Variants in LAMA4 observed in about 807,000 individuals in gnomAD.
LAMA4 encodes laminin subunit alpha-4.
Under a neutral mutation model 207.1 loss-of-function variants are expected in LAMA4, and 127 were observed. That is an observed-to-expected ratio of 0.61 (90% confidence interval 0.53 to 0.71). The LOEUF (loss-of-function observed/expected upper bound fraction) is 0.71, where lower values mean the gene tolerates loss of function less well. LAMA4 is among the 30% of genes least tolerant of loss of function. LAMA4 has a pLI of 0.00. For synonymous variants in LAMA4, 761 were observed against 816.0 expected, an observed-to-expected ratio of 0.93 and a Z score of 1.15; for missense variants, 2,093 against 2,246.5, an observed-to-expected ratio of 0.93 and a Z score of 1.38.
chr6:112,168,280 C>T (rs974615368), intron 12 of LAMA4, among the ~76,000 whole-genome samples: 1 of 150,174 alleles, frequency 6.7e-6, no homozygotes, highest in Non-Finnish European at 1.5e-5. Flanking sequence ...GTGATCATTC[C>T]AGTGATACAA....
chr6:112,150,595 G>C lies in LAMA4; in HGVS notation c.2089C>G (p.Arg697Gly). ...TTCCTTGCTAGGGCTCCACCCACACGCCTGCTAGTGTCAGCCACTGCTTCA... is the reference window on the plus strand; with the variant it reads ...TTCCTTGCTAGGGCTCCACCCACACCCCTGCTAGTGTCAGCCACTGCTTCA... ...SDEAVADTSR[R>G]VGGALARKSA... Residue 697 changes from arginine (R) to glycine (G), a missense_variant, in exon 17 of 39, where the codon CGT becomes GGT. Physicochemically the swap from Arg to Gly is moderately radical, Grantham distance 125 (BLOSUM62 -2). Transcript: ENST00000230538. 6.2e-7 allele frequency: 1 copy of C among 1,613,882 alleles called. No homozygotes were observed. Among genetic ancestry groups the C allele is most frequent in the Non-Finnish European group, 8.5e-7 (1 of 1,179,844 alleles).
chr6:112,130,304 G>A, intron 29 of LAMA4: 1 of 399,628 alleles, frequency 2.5e-6, no homozygotes. Context: ...TTATTTTTGT[G>A]TGTGTGTGTG....
chr6:112,254,138 A>T lies in LAMA4; in HGVS notation c.13T>A (p.Ser5Thr). 1.2e-6 allele frequency: 2 copies of T among 1,612,920 alleles called. No homozygotes were observed. Among genetic ancestry groups the T allele is most frequent in the Non-Finnish European group, 1.7e-6 (2 of 1,179,978 alleles). MALS[S>T]AWRSVLPLWL... ...AGAGGCAGAACCGAGCGCCAGGCTG[A>T]GCTCAAAGCCATTTCTCCGCTGACA... Residue 5 changes from serine (S) to threonine (T), a missense_variant, in exon 2 of 39, where the codon TCA becomes ACA. Coordinates refer to ENST00000230538, the MANE Select transcript of LAMA4 (RefSeq NM_001105206.3).
At chr6:112,220,273 C>T (rs1163380635) in intron 2 of LAMA4, among the ~76,000 whole-genome samples, 3 of 152,144 alleles carry the variant, frequency 2.0e-5, no homozygotes, top group Non-Finnish European at 4.4e-5. Flanking sequence ...TCACAGCTTG[C>T]CTCCTGCTCT....
rs112173092 is a variant in LAMA4 at position 112,110,999 on chromosome 6, T to A, written c.5327-1417A>T. Among the ~76,000 whole-genome samples, 330 of 152,314 alleles carry A rather than the reference T, an allele frequency of 2.2e-3. 1 individual carries two copies. The highest frequency in any genetic ancestry group is 7.7e-3 in the African/African-American group (320 of 41,568). On this transcript the variant is annotated intron_variant, in intron 38 of 38. Transcript: ENST00000230538. ...GGATTTTCAGTAGAGGAATGAATGG[T>A]TAGACCCATGGGTGGGCTACATTAA...
intron 12 of LAMA4, among the ~76,000 whole-genome samples, chr6:112,169,742 T>A (rs1409337582): frequency 6.6e-6 from 1 of 152,236 alleles, no homozygotes; most frequent in Non-Finnish European, 1.5e-5. Flanking sequence ...ACCATCTGTC[T>A]GAATCAAAAA....
At chr6:112,143,629 C>CT (rs1270279943) in intron 19 of LAMA4, among the ~76,000 whole-genome samples, 2 of 152,142 alleles carry the variant, frequency 1.3e-5, no homozygotes, top group Non-Finnish European at 2.9e-5. Context: ...GGATTAAAGT[C>CT]TTACATTAAT....
intron 6 of LAMA4, among the ~76,000 whole-genome samples, chr6:112,190,970 T>TTCTTTCTTTCTTTCTTTCTTTCC (rs1783076835): frequency 6.8e-6 from 1 of 147,068 alleles, no homozygotes; most frequent in African/African-American, 2.5e-5. Context: ...CTTTCTTTCT[T>TTCTTTCTTTCTTTCTTTCTTTCC]TCTTTCTTTC....
intron 31 of LAMA4, among the ~76,000 whole-genome samples, 176 bp from the exon 32 acceptor site, chr6:112,122,377 A>G (rs1489750378): frequency 1.3e-5 from 2 of 152,184 alleles, no homozygotes; most frequent in Non-Finnish European, 2.9e-5. Flanking sequence ...AAATGACAGC[A>G]GTAGCTGCAG....
chr6:112,163,964 G>A (rs1060515), intron 13 of LAMA4: 57,762 of 152,184 alleles, frequency 0.38, 12,393 homozygotes, highest in Middle Eastern at 0.56. Context: ...AGAGGTGTGG[G>A]CACAGATGCA....
At chr6:112,157,422 G>A (rs1236627821) in intron 14 of LAMA4, among the ~76,000 whole-genome samples, 1 of 152,104 alleles carries the variant, frequency 6.6e-6, no homozygotes, top group Non-Finnish European at 1.5e-5. Context: ...TTCGAGCATA[G>A]CACGTAAATC....
chr6:112,153,916 A>T (rs1780544335), intron 16 of LAMA4, among the ~76,000 whole-genome samples: 1 of 152,166 alleles, frequency 6.6e-6, no homozygotes, highest in Admixed American at 6.5e-5. Context: ...TATGAAAAGC[A>T]AAGTGCATTT....
At chr6:112,112,998 A>T (rs782382546) in intron 38 of LAMA4, among the ~76,000 whole-genome samples, 1 of 152,164 alleles carries the variant, frequency 6.6e-6, no homozygotes, top group Non-Finnish European at 1.5e-5. Flanking sequence ...AGTAGTTGGT[A>T]GTTACTAGAG....
intron 3 of LAMA4, among the ~76,000 whole-genome samples, chr6:112,207,567 T>C (rs75956673): frequency 0.055 from 8,317 of 152,182 alleles, 718 homozygotes; most frequent in African/African-American, 0.19. Flanking sequence ...CTGGTACTTA[T>C]CCATGGCAAT....
chr6:112,114,797 CAT>C, intron 36 of LAMA4, 41 bp from the exon 37 acceptor site: 1 of 1,358,866 alleles, frequency 7.4e-7, no homozygotes, highest in Non-Finnish European at 1.1e-6. Context: ...AGTTTGTCCT[CAT>C]TGTGATAAAA....
rs1562616187 is a variant in LAMA4, at chr6:112,108,722, A to T, written c.*715T>A. On this transcript the variant is annotated 3_prime_UTR_variant, in exon 39 of 39. Coordinates refer to ENST00000230538, the MANE Select transcript of LAMA4 (RefSeq NM_001105206.3). ...TGATATCCTCAATGATTCCCATAGA[A>T]CACACAATAATGGTAATAATAACCT... 6.6e-6 allele frequency: 1 copy of T among 152,234 alleles called. No individual in the cohort carries two copies. Among genetic ancestry groups the T allele is most frequent in the Non-Finnish European group, 1.5e-5 (1 of 68,060 alleles). The allele number at this position is 152,234 out of a possible 1,614,324, so 9.4% of individuals were successfully genotyped here.
At chr6:112,188,741 G>A (rs949573754) in intron 7 of LAMA4, among the ~76,000 whole-genome samples, 1 of 152,132 alleles carries the variant, frequency 6.6e-6, no homozygotes, top group Admixed American at 6.5e-5. Flanking sequence ...AGTTTCCCCA[G>A]GTGTTGTAAA....
rs1428906808 is a variant in LAMA4 at position 112,165,143 on chromosome 6, G to A, written c.1668+17C>T. 5.7e-6 allele frequency: 8 copies of A among 1,404,490 alleles called. No homozygotes were observed. The highest frequency in any genetic ancestry group is 8.1e-6 in the Non-Finnish European group (8 of 988,724). The allele number at this position is 1,404,490 out of a possible 1,614,324, so 87.0% of individuals were successfully genotyped here. On this transcript the variant is annotated intron_variant, in intron 13 of 38. Transcript: ENST00000230538. ...CTGCTGGAAATACAAACCTGAACAA[G>A]TCACGTGCGTCCTTACCTTTATTAT...
chr6:112,165,515 T>C (rs1781335013), intron 12 of LAMA4, among the ~76,000 whole-genome samples: 1 of 152,206 alleles, frequency 6.6e-6, no homozygotes, highest in Admixed American at 6.5e-5. Flanking sequence ...AGGATTATTA[T>C]AACACCGTCA....
Sources: allele counts gnomAD v4.1 joint callset (sites outside exome capture counted in the v4.1 genomes callset), GRCh38; gene constraint gnomAD v4.1.1; transcripts MANE v1.5; gene names NCBI Gene and HGNC (gene_info 2026-07-23, HGNC 2026-07-21).